Variants in FARP2 observed in about 807,000 individuals in gnomAD.
FARP2 encodes FERM, ARH/RhoGEF and pleckstrin domain protein 2.
Under a neutral mutation model 130.5 loss-of-function variants are expected in FARP2, and 111 were observed. That is an observed-to-expected ratio of 0.85 (90% CI 0.73 to 1.00). The LOEUF (loss-of-function observed/expected upper bound fraction) is 1.00. Ranked by LOEUF, FARP2 falls within the 50% of genes least tolerant of loss-of-function variation. The pLI is 0.00. For missense variants in FARP2, 1,385 were observed against 1,346.3 expected, an observed-to-expected ratio of 1.03 and a Z score of -0.45; for synonymous variants, 504 against 516.9, an observed-to-expected ratio of 0.98 and a Z score of 0.34.
chr2:241,436,444 G>A (rs751612123), intron 11 of FARP2, 37 bp from the exon 12 acceptor site: 2 of 1,602,776 alleles, frequency 1.2e-6, no homozygotes, highest in South Asian at 2.2e-5. Context: ...GAGAAGGGGA[G>A]GGCTTGGTTT....
chr2:241,455,461 A>G (rs1281453933), intron 13 of FARP2, among the ~76,000 whole-genome samples: 1 of 152,106 alleles, frequency 6.6e-6, no homozygotes, highest in East Asian at 1.9e-4. Flanking sequence ...GCTCACTGCA[A>G]CCTCTGCCTC....
In FARP2 at chr2:241,479,487, A is replaced by G. The variant is rs563624483; in HGVS notation, c.2262+3500A>G. Among the ~76,000 whole-genome samples, 6 of 152,344 alleles carry G rather than the reference A, an allele frequency of 3.9e-5. No homozygotes were observed. The East Asian group carries it at 1.2e-3, about 29-fold the overall frequency. Reference sequence around the variant, plus strand: ...TATCAGCCTCACAGAGCTCCTGACAAAGGTGGCTTCTGCATCATCACTACT... The same window carrying G: ...TATCAGCCTCACAGAGCTCCTGACAGAGGTGGCTTCTGCATCATCACTACT... On this transcript the variant is annotated intron_variant, in intron 19 of 26. Coordinates refer to ENST00000264042, the MANE Select transcript of FARP2 (RefSeq NM_014808.4).
chr2:241,356,565 C>T (rs1049601407), intron 1 of FARP2, among the ~76,000 whole-genome samples, 177 bp downstream of exon 1: 1 of 152,122 alleles, frequency 6.6e-6, no homozygotes, highest in Admixed American at 6.5e-5. Flanking sequence ...AGCTCCTAGG[C>T]GGGTCCGGGT....
In FARP2 at chr2:241,403,845, G is replaced by A. The variant is rs369606557; in HGVS notation, c.201G>A (p.Gln67=). The A allele has an allele frequency of 7.8e-5, 125 of 1,612,868 alleles. 3 individuals are homozygous for A. The Middle Eastern group carries it at 7.8e-3, about 100-fold the overall frequency. Residue 67 remains glutamine, a synonymous_variant, in exon 3 of 27, where the codon CAG becomes CAA. Coordinates refer to ENST00000264042, the MANE Select transcript of FARP2 (RefSeq NM_014808.4). ...CTGCACAGCCTAAATGCGATGGCCA[G>A]GTATTACTGACACAAGTGTGGAAGC... ...IFDIEPKCDG[Q]VLLTQVWKRL...
Position 241,492,928 on chromosome 2 carries a change from G to C in FARP2, c.2788-1G>C. The C allele has an allele frequency of 6.3e-7, 1 of 1,594,966 alleles. No homozygotes were observed. Among genetic ancestry groups the C allele is most frequent in the Middle Eastern group, 1.7e-4 (1 of 6,042 alleles). ...CACCTGCATTTTTCCTTTATTGACA[G>C]AACCAGCTTTCAGGATATCTGCTAA... On this transcript the variant is annotated splice_acceptor_variant, in intron 24 of 26. Coordinates refer to ENST00000264042, the MANE Select transcript of FARP2 (RefSeq NM_014808.4). LOFTEE classifies it high-confidence loss of function.
chr2:241,431,171 T>C (rs1204908361), intron 8 of FARP2, among the ~76,000 whole-genome samples: 1 of 152,188 alleles, frequency 6.6e-6, no homozygotes, highest in African/African-American at 2.4e-5. Flanking sequence ...ATAATATTGC[T>C]CCAGCAGCTT....
intron 24 of FARP2, among the ~76,000 whole-genome samples, chr2:241,492,175 CTCTTG>C (rs2064941373): frequency 6.6e-6 from 1 of 152,220 alleles, no homozygotes; most frequent in African/African-American, 2.4e-5. Flanking sequence ...CCACCCAGAG[CTCTTG>C]TCTTTTTTGC....
chr2:241,461,264 C>T (rs1346060831), intron 14 of FARP2, among the ~76,000 whole-genome samples: 1 of 152,152 alleles, frequency 6.6e-6, no homozygotes, highest in Admixed American at 6.5e-5. Flanking sequence ...TCCAGGATCT[C>T]ACCCCTCACC....
intron 2 of FARP2, among the ~76,000 whole-genome samples, chr2:241,383,912 A>G (rs2061721874): frequency 6.6e-6 from 1 of 152,118 alleles, no homozygotes; most frequent in African/African-American, 2.4e-5. Flanking sequence ...GCTTGGTGGG[A>G]AGAAGCGTTG....
chr2:241,489,567 C>G (rs189874711), intron 21 of FARP2: 60 of 157,168 alleles, frequency 3.8e-4, no homozygotes, highest in Non-Finnish European at 6.5e-4. Flanking sequence ...TTTCATCTAA[C>G]TACTTAAAAT....
intron 7 of FARP2, among the ~76,000 whole-genome samples, chr2:241,415,989 C>CTGTGTGTGTGTGTGTGTGTGTGTGTGTG (rs57774022): frequency 7.1e-6 from 1 of 141,714 alleles, no homozygotes; most frequent in African/African-American, 2.7e-5. Flanking sequence ...CAGGGTAGTT[C>CTGTGTGTGTGTGTGTGTGTGTGTGTGTG]TGTGTGTGTG....
chr2:241,463,222 G>A (rs1165722754), intron 15 of FARP2, 113 bp from the exon 16 acceptor site: 5 of 1,101,336 alleles, frequency 4.5e-6, no homozygotes, highest in African/African-American at 1.6e-5. Context: ...CTCTTTGTAG[G>A]CGGTGACTGG....
Position 241,372,937 on chromosome 2 carries a change from A to G in FARP2, c.-24-147A>G, listed in dbSNP as rs191641849. On this transcript the variant is annotated intron_variant, in intron 1 of 26. Transcript: ENST00000264042. ...TGAGTAGAAAATAATCTTTTGTAACACTTTCTTTTGACGTGATTAAGACTC... is the reference window on the plus strand; with the variant it reads ...TGAGTAGAAAATAATCTTTTGTAACGCTTTCTTTTGACGTGATTAAGACTC... 2.1e-4 allele frequency: 81 copies of G among 392,066 alleles called. 1 individual carries two copies. In the East Asian group the frequency reaches 3.2e-3, roughly 15 times the overall value. The allele number at this position is 392,066 out of a possible 1,614,324, so 24.3% of individuals were successfully genotyped here.
At chr2:241,477,766 A>G (rs1263093562) in intron 19 of FARP2, 1 of 152,270 alleles carries the variant, frequency 6.6e-6, no homozygotes, top group East Asian at 1.9e-4. Context: ...TGAGTGTGTA[A>G]TGCTGTCTTG....
At chr2:241,447,580 T>C (rs1313736474) in intron 13 of FARP2, among the ~76,000 whole-genome samples, 2 of 152,182 alleles carry the variant, frequency 1.3e-5, no homozygotes, top group Non-Finnish European at 2.9e-5. Flanking sequence ...TATTATTGCC[T>C]GTTTTTTCCA....
intron 14 of FARP2, among the ~76,000 whole-genome samples, chr2:241,461,244 T>A (rs1020815470): frequency 5.3e-5 from 8 of 151,942 alleles, no homozygotes; most frequent in African/African-American, 1.9e-4. Flanking sequence ...CACCGGACCT[T>A]CAGAATGTGT....
chr2:241,408,505 C>T (rs1371653951), intron 5 of FARP2, among the ~76,000 whole-genome samples: 1 of 150,050 alleles, frequency 6.7e-6, no homozygotes, highest in East Asian at 2.0e-4. Context: ...ATTGGCATTT[C>T]AGTCCAGCCT....
intron 7 of FARP2, among the ~76,000 whole-genome samples, chr2:241,417,055 C>G (rs1475483351): frequency 6.6e-6 from 1 of 152,150 alleles, no homozygotes; most frequent in Non-Finnish European, 1.5e-5. Context: ...AATCCCAGCA[C>G]TTTGAGAAGC....
At position 241,463,970 on chromosome 2, in the gene FARP2, G is replaced by T. The variant is rs976834634; in HGVS notation, c.1883G>T (p.Arg628Leu). 5.0e-6 allele frequency: 8 copies of T among 1,613,726 alleles called. No homozygotes were observed. In the South Asian group the frequency reaches 7.7e-5, roughly 16 times the overall value. Residue 628 changes from arginine (R) to leucine (L), a missense_variant, in exon 17 of 27, where the codon CGC becomes CTC. Transcript: ENST00000264042. ...RIGDILLRNM[R>L]QLKEFTSYFQ... is the part of the protein sequence containing the mutation. The stretch of plus-strand genomic sequence containing the variant: ...GGGGACATCCTGCTCAGGAACATGC[G>T]CCAGTTAAAGGTAGGCTGCATGGTG...
Sources: gnomAD v4.1 joint callset for allele counts (sites outside exome capture counted in the v4.1 genomes callset) on GRCh38, gnomAD v4.1.1 for gene constraint, MANE v1.5 for transcripts, NCBI Gene and HGNC (gene_info 2026-07-23, HGNC 2026-07-21) for gene names.